SLC31A1: variants seen among roughly 807,000 people sequenced by gnomAD.
The protein encoded by SLC31A1 is solute carrier family 31 member 1, also known as high affinity copper uptake protein 1.
In SLC31A1, 5 loss-of-function variants were observed where a neutral mutation model predicts 17.2. The ratio of observed to expected loss-of-function variants is 0.29; its 90% CI spans 0.15 to 0.61. The LOEUF (loss-of-function observed/expected upper bound fraction) is 0.61. Among genes scored for constraint, SLC31A1 ranks in the 20% least tolerant of loss-of-function variants. The probability of loss-of-function intolerance (pLI) is 0.86; values close to 1 mark genes in which losing one functional copy is unlikely to be tolerated. For synonymous variants in SLC31A1, 76 were observed against 78.8 expected (o/e 0.96, Z 0.19); for missense variants, 161 against 241.4 (o/e 0.67, Z 2.21).
rs939272140 is a variant in SLC31A1, at chr9:113,262,535, TG to T, written c.*2064del. ...TTCTCTGTGGGTGCCAGTTAAATAT[TG>T]GAGAGCAAGGAATGTGGACTTGTAT... is the stretch of plus-strand genomic sequence containing the variant. On this transcript the variant is annotated 3_prime_UTR_variant, in exon 5 of 5. Coordinates refer to ENST00000374212, the MANE Select transcript of SLC31A1 (RefSeq NM_001859.4). The T allele has an allele frequency of 6.6e-6, 1 of 152,656 alleles. No individual in the cohort carries two copies. The highest frequency in any genetic ancestry group is 2.4e-5 in the African/African-American group (1 of 41,436). The allele number at this position is 152,656 out of a possible 1,614,324, so 9.5% of individuals were successfully genotyped here.
chr9:113,240,245 T>G (rs1308368435), intron 1 of SLC31A1, among the ~76,000 whole-genome samples: 1 of 152,204 alleles, frequency 6.6e-6, no homozygotes, highest in African/African-American at 2.4e-5. Flanking sequence ...GCCTTCTTCC[T>G]CTTGAGTAGC....
Position 113,260,900 on chromosome 9 carries a change from C to G in SLC31A1, c.*427C>G, listed in dbSNP as rs530672197. On this transcript the variant is annotated 3_prime_UTR_variant, in exon 5 of 5. Coordinates refer to ENST00000374212, the MANE Select transcript of SLC31A1 (RefSeq NM_001859.4). Reference sequence around the variant, plus strand: ...GTGATGGAAAGGGGTTAACTTCAGCCAGGATTGATGGCAGCTGAGGGAAAT... The same window carrying G: ...GTGATGGAAAGGGGTTAACTTCAGCGAGGATTGATGGCAGCTGAGGGAAAT... The G allele has an allele frequency of 3.4e-6, 1 of 297,040 alleles. No homozygotes were observed. Among genetic ancestry groups the G allele is most frequent in the East Asian group, 8.9e-5 (1 of 11,296 alleles). 18.4% of individuals were successfully genotyped at this position (297,040 alleles called of 1,614,324 possible).
intron 1 of SLC31A1, among the ~76,000 whole-genome samples, chr9:113,254,855 C>T (rs1189615883): frequency 6.6e-6 from 1 of 152,128 alleles, no homozygotes; most frequent in East Asian, 1.9e-4. Flanking sequence ...GCCGAGATCA[C>T]ACCACTGCAC....
At chr9:113,226,034 G>A (rs1016382284) in intron 1 of SLC31A1, among the ~76,000 whole-genome samples, 18 of 152,056 alleles carry the variant, frequency 1.2e-4, no homozygotes, top group South Asian at 4.2e-4. Flanking sequence ...CTCAGGAGAC[G>A]GAGGCACGAG....
intron 1 of SLC31A1, 144 bp from the exon 2 acceptor site, chr9:113,255,970 A>G: frequency 1.8e-6 from 1 of 546,050 alleles, no homozygotes; most frequent in South Asian, 2.4e-5. Flanking sequence ...AAACTCCTGT[A>G]CTGATCAGTA....
At chr9:113,234,158 C>T (rs951729620) in intron 1 of SLC31A1, among the ~76,000 whole-genome samples, 2 of 152,046 alleles carry the variant, frequency 1.3e-5, no homozygotes, top group Non-Finnish European at 2.9e-5. Flanking sequence ...TTTTGGCTCC[C>T]ACTTATGACT....
intron 1 of SLC31A1, among the ~76,000 whole-genome samples, chr9:113,238,385 C>A (rs1831486165): frequency 6.6e-6 from 1 of 152,174 alleles, no homozygotes; most frequent in Non-Finnish European, 1.5e-5. Context: ...CAAAAGAACT[C>A]AAAGTGATAG....
At chr9:113,227,738 C>T (rs542546444) in intron 1 of SLC31A1, 2 of 152,220 alleles carry the variant, frequency 1.3e-5, no homozygotes, top group East Asian at 3.9e-4. Flanking sequence ...CATTATTATC[C>T]AAACAGTTTA....
intron 1 of SLC31A1, among the ~76,000 whole-genome samples, chr9:113,250,677 A>T (rs999956336): frequency 2.7e-4 from 40 of 149,328 alleles, no homozygotes; most frequent in African/African-American, 8.5e-4. Context: ...TTAAAGTATA[A>T]AAAAAAAAAA....
intron 1 of SLC31A1, among the ~76,000 whole-genome samples, chr9:113,251,604 A>T (rs1033901345): frequency 6.6e-6 from 1 of 152,194 alleles, no homozygotes; most frequent in South Asian, 2.1e-4. Context: ...TTGAATTTCT[A>T]TTCTAGAGAG....
At chr9:113,249,998 G>C (rs1184729401) in intron 1 of SLC31A1, among the ~76,000 whole-genome samples, 1 of 152,070 alleles carries the variant, frequency 6.6e-6, no homozygotes, top group East Asian at 1.9e-4. Flanking sequence ...ACACCAGTTA[G>C]AATGGCAATC....
chr9:113,229,761 G>T (rs2118984876), intron 1 of SLC31A1, among the ~76,000 whole-genome samples: 2 of 152,244 alleles, frequency 1.3e-5, no homozygotes, highest in East Asian at 1.9e-4. Flanking sequence ...TAGTGGAAAA[G>T]AAAAAGTATC....
chr9:113,262,132 C>T lies in SLC31A1; in HGVS notation c.*1659C>T, dbSNP rs947748922. 6.6e-6 allele frequency: 1 copy of T among 152,490 alleles called. No individual in the cohort carries two copies. Among genetic ancestry groups the T allele is most frequent in the African/African-American group, 2.4e-5 (1 of 41,452 alleles). The allele number at this position is 152,490 out of a possible 1,614,324, so 9.4% of individuals were successfully genotyped here. A position where few individuals can be genotyped will look rare whatever the true frequency, so the allele number is the denominator to read the frequency against. On this transcript the variant is annotated 3_prime_UTR_variant, in exon 5 of 5. Coordinates refer to ENST00000374212, the MANE Select transcript of SLC31A1 (RefSeq NM_001859.4). ...CAGTCATGGGCCAGAAGGGCAAAAGCCCAGCTTTCTCTTTGGAAAGACTCA... is the reference window on the plus strand; with the variant it reads ...CAGTCATGGGCCAGAAGGGCAAAAGTCCAGCTTTCTCTTTGGAAAGACTCA...
chr9:113,256,539 G>T, intron 2 of SLC31A1: 1 of 380,612 alleles, frequency 2.6e-6, no homozygotes. Flanking sequence ...AGGGGTTCTG[G>T]TCTTTATGCC....
intron 1 of SLC31A1, among the ~76,000 whole-genome samples, chr9:113,236,062 A>G (rs903116162): frequency 1.3e-5 from 2 of 152,214 alleles, no homozygotes; most frequent in African/African-American, 4.8e-5. Context: ...ATCTCGGCTC[A>G]CTGCAACCTC....
chr9:113,260,433 A>G lies in SLC31A1; in HGVS notation c.533A>G (p.Lys178Arg). ...ACAGGATACTTCCTCTTCAGCTGGA[A>G]GAAGGCAGTGGTAGTGGATATCACA... is the stretch of plus-strand genomic sequence containing the variant. ...AGTGYFLFSW[K>R]KAVVVDITEH... is the part of the protein sequence containing the mutation. Residue 178 changes from lysine to arginine, a missense_variant, in exon 5 of 5, where the codon AAG becomes AGG. Lys to Arg is a conservative substitution (Grantham distance 26). Transcript: ENST00000374212. 2 of 1,614,182 alleles carry G rather than the reference A, an allele frequency of 1.2e-6. No homozygotes were observed. The highest frequency in any genetic ancestry group is 1.7e-6 in the Non-Finnish European group (2 of 1,180,042).
intron 4 of SLC31A1, among the ~76,000 whole-genome samples, chr9:113,259,325 C>A (rs1831762864): frequency 6.6e-6 from 1 of 152,132 alleles, no homozygotes; most frequent in South Asian, 2.1e-4. Flanking sequence ...CATAGATTGG[C>A]AAATGTTTTT....
chr9:113,232,676 TAA>T (rs35958459), intron 1 of SLC31A1, among the ~76,000 whole-genome samples: 4 of 129,176 alleles, frequency 3.1e-5, no homozygotes, highest in Admixed American at 7.9e-5. Flanking sequence ...TACTAAAAAT[TAA>T]AAAAAAAAAA....
In SLC31A1 at chr9:113,260,470, T is replaced by C. The variant is rs199994843; in HGVS notation, c.570T>C (p.His190=). 4 of 1,613,218 alleles carry C rather than the reference T, an allele frequency of 2.5e-6. No individual in the cohort carries two copies. The East Asian group carries it at 8.9e-5, about 36-fold the overall frequency. Residue 190 remains histidine, a synonymous_variant, in exon 5 of 5, where the codon CAT becomes CAC. Coordinates refer to ENST00000374212, the MANE Select transcript of SLC31A1 (RefSeq NM_001859.4). ...TAGTGGATATCACAGAGCATTGCCA[T>C]TGACATCAAACTCTATGGCGTGGCC... ...AVVVDITEHC[H]
Sources: allele counts gnomAD v4.1 joint callset (sites outside exome capture counted in the v4.1 genomes callset), GRCh38; gene constraint gnomAD v4.1.1; transcripts MANE v1.5; gene names NCBI Gene and HGNC (gene_info 2026-07-23, HGNC 2026-07-21).